ANKRD44: variants seen among roughly 807,000 people sequenced by gnomAD.
ANKRD44 encodes serine/threonine-protein phosphatase 6 regulatory ankyrin repeat subunit B.
Under a neutral mutation model 116.0 loss-of-function variants are expected in ANKRD44, and 35 were observed. That is an observed-to-expected ratio of 0.30 (90% CI 0.23 to 0.40). The LOEUF (loss-of-function observed/expected upper bound fraction) is 0.40, where lower values mean the gene tolerates loss of function less well. ANKRD44 is among the 10% of genes least tolerant of loss of function. The pLI, the probability that ANKRD44 is intolerant of heterozygous loss-of-function variation, is 1.00. For missense variants in ANKRD44, 1,014 were observed against 1,242.6 expected, an observed-to-expected ratio of 0.82 and a Z score of 2.77; for synonymous variants, 435 against 461.8, an observed-to-expected ratio of 0.94 and a Z score of 0.74.
intron 16 of ANKRD44, among the ~76,000 whole-genome samples, chr2:197,066,740 C>T (rs1259309843): frequency 6.6e-6 from 1 of 152,082 alleles, no homozygotes; most frequent in African/African-American, 2.4e-5. Context: ...TGTGAAGGAC[C>T]TCTTCAAGCA....
rs988999117 is a variant in ANKRD44, at chr2:197,015,904, A to C, written c.1723-2192T>G. On this transcript the variant is annotated intron_variant, in intron 17 of 27. Transcript: ENST00000282272. Reference sequence around the variant, plus strand: ...AAATTATAGTGGGCGACAGCAATCAAATTTTGGATCCATGAAAGGGGGTAG... The same window carrying C: ...AAATTATAGTGGGCGACAGCAATCACATTTTGGATCCATGAAAGGGGGTAG... The C allele has an allele frequency of 1.1e-5, 6 of 527,046 alleles. No individual in the cohort carries two copies. In the African/African-American group the frequency reaches 1.2e-4, roughly 10 times the overall value. The allele number at this position is 527,046 out of a possible 1,614,324, so 32.6% of individuals were successfully genotyped here.
chr2:197,276,395 A>G (rs920017720), intron 1 of ANKRD44, among the ~76,000 whole-genome samples: 3 of 151,964 alleles, frequency 2.0e-5, no homozygotes, highest in Non-Finnish European at 4.4e-5. Context: ...ACATCTCTAT[A>G]ACACACCTGT....
chr2:197,200,472 C>G (rs1485724259), intron 1 of ANKRD44, among the ~76,000 whole-genome samples: 1 of 152,128 alleles, frequency 6.6e-6, no homozygotes, highest in Non-Finnish European at 1.5e-5. Flanking sequence ...TCTTCTCATA[C>G]TCCTCCCACC....
chr2:197,162,842 C>T (rs905933730), intron 2 of ANKRD44, among the ~76,000 whole-genome samples: 2 of 152,210 alleles, frequency 1.3e-5, no homozygotes, highest in African/African-American at 4.8e-5. Context: ...ATCTGGCATA[C>T]AGTCAGTGCT....
chr2:197,164,435 G>C (rs1256390814), intron 2 of ANKRD44, among the ~76,000 whole-genome samples: 1 of 152,208 alleles, frequency 6.6e-6, no homozygotes, highest in African/African-American at 2.4e-5. Context: ...TGTTCTCTGG[G>C]GGCGGCCACA....
intron 3 of ANKRD44, among the ~76,000 whole-genome samples, chr2:197,139,848 TTGTGTG>T (rs71012957): frequency 0.31 from 40,255 of 131,252 alleles, 7,215 homozygotes; most frequent in East Asian, 0.59. Flanking sequence ...TAAGCTGCTT[TTGTGTG>T]TGTGTGTGTG....
At chr2:197,012,384 T>C (rs1053868787) in intron 18 of ANKRD44, among the ~76,000 whole-genome samples, 4 of 152,196 alleles carry the variant, frequency 2.6e-5, no homozygotes, top group Non-Finnish European at 5.9e-5. Context: ...AAAAATAGGA[T>C]GCTTCTCTTA....
intron 2 of ANKRD44, among the ~76,000 whole-genome samples, chr2:197,158,247 AC>A (rs1346574963): frequency 2.0e-5 from 3 of 152,156 alleles, no homozygotes; most frequent in Non-Finnish European, 4.4e-5. Flanking sequence ...TCTATGCATG[AC>A]CCCAAGCATA....
intron 21 of ANKRD44, 54 bp downstream of exon 21, chr2:197,005,640 A>C (rs1559410818): frequency 6.5e-7 from 1 of 1,546,584 alleles, no homozygotes; most frequent in Non-Finnish European, 8.9e-7. Flanking sequence ...CTGAGCTCAC[A>C]GTGGTCCTGG....
At chr2:197,013,487 A>C in intron 18 of ANKRD44, 24 bp downstream of exon 18, 1 of 1,611,202 alleles carries the variant, frequency 6.2e-7, no homozygotes, top group Non-Finnish European at 8.5e-7. Context: ...AAACTAGGGT[A>C]ATCAGGCCCT....
At chr2:197,129,064 A>AGAT (rs1259258391) in intron 4 of ANKRD44, among the ~76,000 whole-genome samples, 1 of 152,154 alleles carries the variant, frequency 6.6e-6, no homozygotes, top group Non-Finnish European at 1.5e-5. Flanking sequence ...AGATAAGATA[A>AGAT]AAGCTCACAG....
chr2:197,207,700 G>C (rs940628372), intron 1 of ANKRD44, among the ~76,000 whole-genome samples: 4 of 151,996 alleles, frequency 2.6e-5, no homozygotes, highest in African/African-American at 9.7e-5. Context: ...CAGGAAAAGG[G>C]AGCACACACC....
intron 2 of ANKRD44, among the ~76,000 whole-genome samples, chr2:197,152,251 T>G (rs1440823124): frequency 6.6e-6 from 1 of 152,216 alleles, no homozygotes; most frequent in Non-Finnish European, 1.5e-5. Context: ...AATAGTTGAA[T>G]AGTTACATAG....
intron 16 of ANKRD44, among the ~76,000 whole-genome samples, chr2:197,038,264 G>C (rs1460318401): frequency 1.3e-5 from 2 of 152,074 alleles, no homozygotes; most frequent in African/African-American, 2.4e-5. Flanking sequence ...GGGGAGCAAG[G>C]AGTATATGGG....
chr2:197,047,410 A>G (rs181803849), intron 16 of ANKRD44, among the ~76,000 whole-genome samples: 1 of 152,342 alleles, frequency 6.6e-6, no homozygotes, highest in East Asian at 1.9e-4. Flanking sequence ...TATTCTTGGA[A>G]AATATACACA....
chr2:197,100,330 G>A (rs1458298245), intron 9 of ANKRD44, among the ~76,000 whole-genome samples: 1 of 152,186 alleles, frequency 6.6e-6, no homozygotes, highest in African/African-American at 2.4e-5. Context: ...AGCTACTCAG[G>A]AGGCTGAGGC....
chr2:197,301,012 C>T (rs1051821979), intron 1 of ANKRD44: 4 of 152,144 alleles, frequency 2.6e-5, no homozygotes, highest in Admixed American at 6.5e-5. Context: ...GTCTCGAACT[C>T]CTGACCTCAG....
intron 1 of ANKRD44, among the ~76,000 whole-genome samples, chr2:197,190,187 T>C (rs1000802896): frequency 1.3e-4 from 19 of 151,588 alleles, no homozygotes; most frequent in Non-Finnish European, 2.5e-4. Flanking sequence ...TAGGTACATA[T>C]GCATACCTAT....
chr2:197,150,875 C>T (rs1415153076), intron 2 of ANKRD44, among the ~76,000 whole-genome samples: 1 of 151,958 alleles, frequency 6.6e-6, no homozygotes, highest in Admixed American at 6.6e-5. Context: ...TTGAAGTGGC[C>T]TTGAAGAAAG....
Sources: gnomAD v4.1 joint callset for allele counts (sites outside exome capture counted in the v4.1 genomes callset) on GRCh38, gnomAD v4.1.1 for gene constraint, MANE v1.5 for transcripts, NCBI Gene and HGNC (gene_info 2026-07-23, HGNC 2026-07-21) for gene names.